Variants in EPHA7 observed in about 807,000 individuals in gnomAD.
EPHA7 encodes EPH receptor A7, also known as ephrin type-A receptor 7.
A neutral mutation model predicts 112.6 loss-of-function variants in EPHA7; 25 were observed. The observed-to-expected ratio is 0.22, with a 90% CI of 0.16 to 0.31. The LOEUF is 0.31. EPHA7 is among the 10% of genes least tolerant of loss of function. The probability of loss-of-function intolerance (pLI) is 1.00; values close to 1 mark genes in which losing one functional copy is unlikely to be tolerated. For missense variants in EPHA7, 962 were observed against 1,212.6 expected (o/e 0.79, Z 3.07); for synonymous variants, 437 against 406.5 (o/e 1.07, Z -0.90).
At chr6:93,380,860 C>T (rs894682441) in intron 3 of EPHA7, among the ~76,000 whole-genome samples, 3 of 152,048 alleles carry the variant, frequency 2.0e-5, no homozygotes, top group Non-Finnish European at 4.4e-5. Context: ...ATTAAAAACC[C>T]TGTTTTTTCA....
At chr6:93,261,266 T>A (rs1182075639) in intron 9 of EPHA7, among the ~76,000 whole-genome samples, 1 of 151,614 alleles carries the variant, frequency 6.6e-6, no homozygotes, top group Non-Finnish European at 1.5e-5. Flanking sequence ...CTGATACAAA[T>A]GACTGGACAT....
chr6:93,289,902 TTATATA>T (rs1342861015), intron 5 of EPHA7, among the ~76,000 whole-genome samples: 4 of 152,152 alleles, frequency 2.6e-5, no homozygotes, highest in African/African-American at 9.6e-5. Context: ...GGATTTTAGT[TTATATA>T]TTCCCTTTGC....
chr6:93,303,536 T>C (rs1407932553), intron 5 of EPHA7, among the ~76,000 whole-genome samples: 2 of 152,150 alleles, frequency 1.3e-5, no homozygotes, highest in Non-Finnish European at 2.9e-5. Flanking sequence ...GCTGCATTTT[T>C]AGATCTAGCA....
intron 5 of EPHA7, among the ~76,000 whole-genome samples, chr6:93,329,538 C>T (rs2127899194): frequency 6.6e-6 from 1 of 151,256 alleles, no homozygotes; most frequent in East Asian, 1.9e-4. Flanking sequence ...GTGTATGAAT[C>T]CTGACATCTT....
chr6:93,295,094 A>C (rs1430807552), intron 5 of EPHA7, among the ~76,000 whole-genome samples: 1 of 151,888 alleles, frequency 6.6e-6, no homozygotes, highest in African/African-American at 2.4e-5. Context: ...AGAGAGGAAC[A>C]AAAGGAGGGA....
At chr6:93,274,015 T>C (rs189992104) in intron 5 of EPHA7, among the ~76,000 whole-genome samples, 247 of 152,044 alleles carry the variant, frequency 1.6e-3, no homozygotes, top group African/African-American at 5.8e-3. Context: ...GTAAAAACAA[T>C]AGACTGCAGC....
chr6:93,407,488 G>A lies in EPHA7; in HGVS notation c.832+3013C>T, dbSNP rs376332870. The stretch of plus-strand genomic sequence containing the variant: ...TTTTTGCAAATGAACATAGTTCCAT[G>A]GTTAAGTAGAAGGTATTTAATTCTT... On this transcript the variant is annotated intron_variant, in intron 3 of 16. Transcript: ENST00000369303. 5.9e-5 allele frequency among the ~76,000 whole-genome samples: 9 copies of A among 152,096 alleles called. No individual in the cohort carries two copies. The East Asian group carries it at 9.7e-4, about 16-fold the overall frequency.
intron 3 of EPHA7, among the ~76,000 whole-genome samples, chr6:93,395,051 GA>G (rs926550258): frequency 6.6e-6 from 1 of 151,262 alleles, no homozygotes; most frequent in Non-Finnish European, 1.5e-5. Flanking sequence ...CAGTACTATG[GA>G]AAATCCTTCC....
chr6:93,416,035 T>G (rs1422003482), intron 1 of EPHA7, among the ~76,000 whole-genome samples: 1 of 152,098 alleles, frequency 6.6e-6, no homozygotes, highest in Non-Finnish European at 1.5e-5. Flanking sequence ...GTTTTGTTGT[T>G]GTTGTTGTTT....
chr6:93,410,906 A>G lies in EPHA7; in HGVS notation c.427T>C (p.Tyr143His), dbSNP rs781143231. The G allele has an allele frequency of 1.9e-6, 3 of 1,613,938 alleles. No individual in the cohort carries two copies. The highest frequency in any genetic ancestry group is 2.5e-6 in the Non-Finnish European group (3 of 1,179,960). ...DTGRNIRENLYVKIDTIAADE... is the reference protein window; with the variant it reads ...DTGRNIRENLHVKIDTIAADE... ...GCAGCAATGGTGTCTATTTTTACAT[A>G]GAGGTTTTCTCTTATATTCCTGCCA... The change falls in exon 3 of 17, where the codon TAT becomes CAT. Residue 143 changes from tyrosine (Y) to histidine (H), a missense_variant. Tyr to His is a moderately conservative substitution (Grantham distance 83). This residue lies in a region of EPHA7 where 160 missense variants were observed against 263.6 expected (regional missense o/e 0.61). Coordinates refer to ENST00000369303, the MANE Select transcript of EPHA7 (RefSeq NM_004440.4). This position sits in a 1 kb window ranked among gnomAD's most constrained non-coding sequence, Gnocchi z 4.0.
intron 2 of EPHA7, among the ~76,000 whole-genome samples, chr6:93,412,429 A>C (rs1035023347): frequency 6.6e-6 from 1 of 152,114 alleles, no homozygotes; most frequent in Non-Finnish European, 1.5e-5. Flanking sequence ...AAGACTGACA[A>C]ATTAGCAATA....
In EPHA7 at chr6:93,242,237, G is replaced by A. The variant is rs1769719625; in HGVS notation, c.*1189C>T. On this transcript the variant is annotated 3_prime_UTR_variant, in exon 17 of 17. Transcript: ENST00000369303. ...CATTTAACAAGTTTCTTGCATCAGTGTTCACAAACAAAAGACTTTTTGTTT... is the reference window on the plus strand; with the variant it reads ...CATTTAACAAGTTTCTTGCATCAGTATTCACAAACAAAAGACTTTTTGTTT... The A allele has an allele frequency of 5.0e-6, 1 of 198,504 alleles. No individual in the cohort carries two copies. Among genetic ancestry groups the A allele is most frequent in the South Asian group, 1.9e-4 (1 of 5,230 alleles). 12.3% of individuals were successfully genotyped at this position (198,504 alleles called of 1,614,324 possible).
chr6:93,387,976 T>TAGAA (rs1314115769), intron 3 of EPHA7, among the ~76,000 whole-genome samples: 5 of 149,838 alleles, frequency 3.3e-5, no homozygotes, highest in Non-Finnish European at 1.5e-5. Context: ...GATAGATAGA[T>TAGAA]AGAATAGATA....
intron 5 of EPHA7, among the ~76,000 whole-genome samples, chr6:93,322,495 G>C (rs1774124873): frequency 6.6e-6 from 1 of 151,438 alleles, no homozygotes; most frequent in Admixed American, 6.6e-5. Context: ...AAATATACTG[G>C]AGTTTTGCAG....
At chr6:93,269,422 A>G in intron 7 of EPHA7, 55 bp downstream of exon 7, 1 of 1,470,772 alleles carries the variant, frequency 6.8e-7, no homozygotes, top group East Asian at 2.4e-5. Context: ...TGAAAAAAAT[A>G]TTAATATATG....
Position 93,410,370 on chromosome 6 carries a change from G to T in EPHA7, c.832+131C>A. On this transcript the variant is annotated intron_variant, in intron 3 of 16. Transcript: ENST00000369303. This position sits in a 1 kb window ranked among gnomAD's most constrained non-coding sequence, Gnocchi z 4.0. ...AATCACTAAGTTCAACGGTGACTTT[G>T]TTTAAGATCTACTGAATTGCGCTTC... The T allele has an allele frequency of 1.2e-6, 1 of 800,728 alleles. No individual in the cohort carries two copies. Among genetic ancestry groups the T allele is most frequent in the Non-Finnish European group, 2.0e-6 (1 of 505,882 alleles). 49.6% of individuals were successfully genotyped at this position (800,728 alleles called of 1,614,324 possible).
At position 93,356,807 on chromosome 6, in the gene EPHA7, T is replaced by C; in HGVS notation, c.1234A>G (p.Thr412Ala). ...VMDLLAHANY[T>A]FEVEAVNGVS... The stretch of plus-strand genomic sequence containing the variant: ...CCATTTACAGCTTCAACTTCAAAAG[T>C]ATAATTAGCGTGGGCTAGCAGGTCC... The change falls in exon 5 of 17, where the codon ACT becomes GCT. Residue 412 changes from threonine (T) to alanine (A), a missense_variant. Physicochemically the swap from Thr to Ala is moderately conservative, Grantham distance 58. This residue lies in a region of EPHA7 where 746 missense variants were observed against 889.2 expected (regional missense o/e 0.84). Transcript: ENST00000369303. 1 of 1,614,136 alleles carries C rather than the reference T, an allele frequency of 6.2e-7. No individual in the cohort carries two copies.
At chr6:93,419,127 C>A in intron 1 of EPHA7, 118 bp downstream of exon 1, 1 of 727,078 alleles carries the variant, frequency 1.4e-6, no homozygotes, top group East Asian at 3.3e-5. Flanking sequence ...GGGGAGCCGG[C>A]GGGGGAGGGT....
chr6:93,340,196 G>A (rs1775073478), intron 5 of EPHA7, among the ~76,000 whole-genome samples: 1 of 151,734 alleles, frequency 6.6e-6, no homozygotes, highest in African/African-American at 2.4e-5. Context: ...ACATATCTGA[G>A]TGTGTATGTA....
Sources: allele counts gnomAD v4.1 joint callset (sites outside exome capture counted in the v4.1 genomes callset), GRCh38; gene constraint gnomAD v4.1.1; regional missense constraint gnomAD v4.1.1; non-coding constraint Gnocchi (gnomAD v3.1); transcripts MANE v1.5; gene names NCBI Gene and HGNC (gene_info 2026-07-23, HGNC 2026-07-21).